Variants in ARHGEF10 observed in about 807,000 individuals in gnomAD.
ARHGEF10 encodes Rho guanine nucleotide exchange factor 10.
A neutral mutation model predicts 147.4 loss-of-function variants in ARHGEF10; 140 were observed. The observed-to-expected ratio is 0.95, with a 90% CI of 0.83 to 1.09. The LOEUF is 1.09. ARHGEF10 is among the 50% of genes least tolerant of loss of function. ARHGEF10 has a pLI of 0.00. For missense variants in ARHGEF10, 2,222 were observed against 1,752.7 expected, an observed-to-expected ratio of 1.27 and a Z score of -4.78; for synonymous variants, 902 against 695.8, an observed-to-expected ratio of 1.30 and a Z score of -4.67.
At chr8:1,844,136 G>C (rs73540704) in intron 2 of ARHGEF10, among the ~76,000 whole-genome samples, 4 of 152,104 alleles carry the variant, frequency 2.6e-5, no homozygotes, top group Non-Finnish European at 5.9e-5. Context: ...TTGCAGGTCT[G>C]GGGGGTGATG....
In ARHGEF10 at chr8:1,853,425, C is replaced by G. The variant is rs927581972; in HGVS notation, c.38-4535C>G. ...GCTTTTTGAAAGATCCATGTCGTCTCAAACTACAACACGTTGTATCTCCTG... is the reference window on the plus strand; with the variant it reads ...GCTTTTTGAAAGATCCATGTCGTCTGAAACTACAACACGTTGTATCTCCTG... On this transcript the variant is annotated intron_variant, in intron 2 of 28. Coordinates refer to ENST00000349830, the MANE Select transcript of ARHGEF10 (RefSeq NM_014629.4). Among the ~76,000 whole-genome samples the G allele has an allele frequency of 5.9e-5, 9 of 152,374 alleles. No individual in the cohort carries two copies. In the East Asian group the frequency reaches 7.7e-4, roughly 13 times the overall value.
intron 9 of ARHGEF10, among the ~76,000 whole-genome samples, chr8:1,881,511 A>G (rs1435089985): frequency 6.6e-6 from 1 of 152,108 alleles, no homozygotes. Flanking sequence ...GGCCAAGGAA[A>G]TGGCAGCAGG....
At chr8:1,823,452 G>GT (rs147323837), upstream of ARHGEF10, among the ~76,000 whole-genome samples, 46,000 of 151,132 alleles carry the variant, frequency 0.3, 7,061 homozygotes, top group Middle Eastern at 0.38. Flanking sequence ...GATGTTCTGG[G>GT]GGGGGGAGCG....
chr8:1,831,489 G>A (rs1338117816), intron 1 of ARHGEF10, among the ~76,000 whole-genome samples: 2 of 149,694 alleles, frequency 1.3e-5, no homozygotes, highest in African/African-American at 4.9e-5. Context: ...TCCGTGGAGG[G>A]ACAGTGTGAC....
intron 5 of ARHGEF10, among the ~76,000 whole-genome samples, chr8:1,866,249 A>G (rs73180711): frequency 0.2 from 29,770 of 152,194 alleles, 3,109 homozygotes; most frequent in South Asian, 0.25. Context: ...TTCTAGGGCA[A>G]GGACCGTATT....
chr8:1,867,996 C>T (rs533209356), intron 6 of ARHGEF10, among the ~76,000 whole-genome samples: 1 of 152,266 alleles, frequency 6.6e-6, no homozygotes, highest in South Asian at 2.1e-4. Flanking sequence ...GTTTTATTTC[C>T]GAGGTAAAAT....
At position 1,860,242 on chromosome 8, in the gene ARHGEF10, G is replaced by A. The variant is rs1224604245; in HGVS notation, c.481+58G>A. ...TGGCCTGTGGTTCCCTCCTCTCCAC[G>A]CCCCCGAAGTGGCCTGTGGTTCCCT... On this transcript the variant is annotated intron_variant, in intron 4 of 28. Coordinates refer to ENST00000349830, the MANE Select transcript of ARHGEF10 (RefSeq NM_014629.4). 9.9e-6 allele frequency: 15 copies of A among 1,521,178 alleles called. 1 individual carries two copies. In the Admixed American group the frequency reaches 1.2e-4, roughly 12 times the overall value. The allele number at this position is 1,521,178 out of a possible 1,614,324, so 94.2% of individuals were successfully genotyped here.
At chr8:1,826,238 T>C in intron 1 of ARHGEF10, 3 of 1,112,784 alleles carry the variant, frequency 2.7e-6, no homozygotes, top group Non-Finnish European at 3.9e-6. Flanking sequence ...TTTTTATGTT[T>C]TTAAAAGTTG....
chr8:1,929,242 A>T lies in ARHGEF10; in HGVS notation c.2922-44A>T, dbSNP rs73671057. 5 of 1,604,100 alleles carry T rather than the reference A, an allele frequency of 3.1e-6. No homozygotes were observed. The African/African-American group carries it at 5.4e-5, about 17-fold the overall frequency. On this transcript the variant is annotated intron_variant, in intron 24 of 28. Transcript: ENST00000349830. ...GTTAACAGGCACCCTCGTTCTTGTT[A>T]CAACGAGCAAATATATTTATTAGCT...
intron 7 of ARHGEF10, chr8:1,869,467 C>G: frequency 5.9e-6 from 4 of 674,958 alleles, no homozygotes; most frequent in Non-Finnish European, 1.1e-5. Context: ...TTTAATCTTA[C>G]TTATCCCAAG....
At chr8:1,858,311 C>T (rs1044683627) in intron 3 of ARHGEF10, among the ~76,000 whole-genome samples, 196 bp downstream of exon 3, 1 of 151,806 alleles carries the variant, frequency 6.6e-6, no homozygotes, top group African/African-American at 2.4e-5. Context: ...CACCTGTGCT[C>T]AGCCATCGGA....
intron 15 of ARHGEF10, among the ~76,000 whole-genome samples, chr8:1,902,759 C>T (rs975903011): frequency 7.9e-5 from 12 of 152,148 alleles, no homozygotes; most frequent in African/African-American, 2.7e-4. Context: ...GGACCCACCA[C>T]GATAGTGTCA....
At chr8:1,868,923 C>T (rs528024381) in intron 6 of ARHGEF10, among the ~76,000 whole-genome samples, 4 of 152,234 alleles carry the variant, frequency 2.6e-5, no homozygotes, top group African/African-American at 9.6e-5. Flanking sequence ...TACAGCTGGT[C>T]CATTTAAAGA....
At chr8:1,840,339 A>G (rs1362574246) in intron 1 of ARHGEF10, among the ~76,000 whole-genome samples, 34 of 73,616 alleles carry the variant, frequency 4.6e-4, no homozygotes, top group Admixed American at 5.6e-4. Context: ...GCTGTCCGAT[A>G]TGGGGACTGT....
chr8:1,929,137 A>AT (rs1210189823), intron 24 of ARHGEF10, 149 bp from the exon 25 acceptor site: 17 of 869,212 alleles, frequency 2.0e-5, no homozygotes, highest in Non-Finnish European at 2.3e-5. Flanking sequence ...GTGGTTGCAA[A>AT]TTTTTTAAAA....
At position 1,928,520 on chromosome 8, in the gene ARHGEF10, C is replaced by T. The variant is rs772945845; in HGVS notation, c.2791C>T (p.Arg931Cys). The T allele has an allele frequency of 9.9e-6, 16 of 1,614,098 alleles. No homozygotes were observed. Among genetic ancestry groups the T allele is most frequent in the East Asian group, 2.2e-5 (1 of 44,898 alleles). Residue 931 changes from arginine (R) to cysteine (C), a missense_variant, in exon 24 of 29, where the codon CGC becomes TGC. Coordinates refer to ENST00000349830, the MANE Select transcript of ARHGEF10 (RefSeq NM_014629.4). The stretch of plus-strand genomic sequence containing the variant: ...CATTGAGTGCTTCAACGTGGAATCT[C>T]GCATCCTGTGCATGCTGTACGTTCC... The part of the protein sequence containing the change: ...KVIECFNVES[R>C]ILCMLYVPVE...
chr8:1,950,283 G>A (rs540438859), intron 27 of ARHGEF10, among the ~76,000 whole-genome samples: 8 of 152,178 alleles, frequency 5.3e-5, no homozygotes, highest in Non-Finnish European at 7.3e-5. Context: ...GGACGGGCAC[G>A]GGACGCCTGG....
chr8:1,875,060 G>C (rs113781479), intron 7 of ARHGEF10, among the ~76,000 whole-genome samples: 20 of 29,958 alleles, frequency 6.7e-4, no homozygotes, highest in East Asian at 0.013. Context: ...AGGAACAGTG[G>C]AGACACACAC....
chr8:1,836,040 G>GC (rs889550648), intron 1 of ARHGEF10, among the ~76,000 whole-genome samples: 5 of 151,804 alleles, frequency 3.3e-5, no homozygotes, highest in African/African-American at 1.2e-4. Context: ...AATTAGCCAG[G>GC]CGTGGTGGCA....
Sources: allele counts gnomAD v4.1 joint callset (sites outside exome capture counted in the v4.1 genomes callset), GRCh38; gene constraint gnomAD v4.1.1; transcripts MANE v1.5; gene names NCBI Gene and HGNC (gene_info 2026-07-23, HGNC 2026-07-21).